The following LRBA variants were observed in gnomAD, a reference collection of about 807,000 sequenced individuals.
LRBA encodes LPS responsive beige-like anchor protein, also known as lipopolysaccharide-responsive and beige-like anchor protein.
A neutral mutation model predicts 330.0 loss-of-function variants in LRBA; 176 were observed. That is an observed-to-expected ratio of 0.53 (90% CI 0.47 to 0.60). LRBA has a LOEUF of 0.60. Ranked by LOEUF, LRBA falls within the 20% of genes least tolerant of loss-of-function variation. The pLI is 0.00. For synonymous variants in LRBA, 1,230 were observed against 1,193.0 expected (o/e 1.03, Z -0.64); for missense variants, 3,259 against 3,444.8 (o/e 0.95, Z 1.35).
chr4:150,302,090 T>C (rs1390773849), intron 53 of LRBA, among the ~76,000 whole-genome samples: 1 of 152,198 alleles, frequency 6.6e-6, no homozygotes, highest in Non-Finnish European at 1.5e-5. Context: ...GCCTTCAGCA[T>C]AGTTTCATAA....
chr4:150,697,822 GT>G (rs917694936), intron 36 of LRBA, among the ~76,000 whole-genome samples: 104 of 146,514 alleles, frequency 7.1e-4, no homozygotes, highest in African/African-American at 2.3e-3. Flanking sequence ...GGCCAGTTTT[GT>G]TTTTTTTTTA....
At chr4:150,980,158 A>AG (rs1347029592) in intron 2 of LRBA, among the ~76,000 whole-genome samples, 21 of 152,180 alleles carry the variant, frequency 1.4e-4, no homozygotes, top group Non-Finnish European at 1.5e-5. Context: ...AGGGATGCAA[A>AG]GATGGTTCAA....
chr4:150,805,387 G>GAAAGGAAAGGAAGGGA (rs1222186480), intron 33 of LRBA, among the ~76,000 whole-genome samples: 1 of 129,886 alleles, frequency 7.7e-6, no homozygotes, highest in African/African-American at 2.9e-5. Flanking sequence ...AAGGGAAAAG[G>GAAAGGAAAGGAAGGGA]AAAGGAAAGG....
At position 150,683,726 on chromosome 4, in the gene LRBA, GA is replaced by G. The variant is rs772027194; in HGVS notation, c.5755-10del. ...TACTGGGCACACAGTGACTTGGAGA[GA>G]AAAAAAAATAATACTATAAAAAATG... On this transcript the variant is annotated splice_polypyrimidine_tract_variant and intron_variant, in intron 36 of 56. Transcript: ENST00000651943. The G allele has an allele frequency of 1.9e-4, 284 of 1,493,112 alleles. No individual in the cohort carries two copies. The highest frequency in any genetic ancestry group is 7.1e-4 in the Middle Eastern group (4 of 5,616). The allele number at this position is 1,493,112 out of a possible 1,614,324, so 92.5% of individuals were successfully genotyped here. A position where few individuals can be genotyped will look rare whatever the true frequency, so the allele number is the denominator to read the frequency against.
At chr4:150,413,658 CTT>C (rs2151948665) in intron 47 of LRBA, among the ~76,000 whole-genome samples, 1 of 152,270 alleles carries the variant, frequency 6.6e-6, no homozygotes, top group East Asian at 1.9e-4. Flanking sequence ...CCCAAGGAAA[CTT>C]TTTGTACTCG....
chr4:150,373,840 A>G (rs1052617922), intron 47 of LRBA, among the ~76,000 whole-genome samples: 3 of 152,170 alleles, frequency 2.0e-5, no homozygotes, highest in African/African-American at 7.2e-5. Context: ...TGTTTGGAGT[A>G]GAAAGTGTTA....
At chr4:150,383,782 T>C (rs549843995) in intron 47 of LRBA, among the ~76,000 whole-genome samples, 28 of 152,234 alleles carry the variant, frequency 1.8e-4, no homozygotes, top group African/African-American at 6.5e-4. Flanking sequence ...AACTGCTAAC[T>C]TCCTGAGGGC....
chr4:150,990,552 A>AC (rs1561100812), intron 2 of LRBA, among the ~76,000 whole-genome samples: 1 of 150,294 alleles, frequency 6.7e-6, no homozygotes, highest in Admixed American at 6.6e-5. Flanking sequence ...AGACAACAAA[A>AC]CCCCGTCTCT....
chr4:150,512,717 G>GAAAAAAA (rs370203536), intron 40 of LRBA, among the ~76,000 whole-genome samples: 3 of 100,700 alleles, frequency 3.0e-5, no homozygotes, highest in African/African-American at 8.5e-5. Context: ...TGCTTTTTGA[G>GAAAAAAA]AAAAAAAAAA....
intron 49 of LRBA, among the ~76,000 whole-genome samples, chr4:150,323,048 G>A (rs1264953531): frequency 7.7e-6 from 1 of 129,922 alleles, no homozygotes; most frequent in East Asian, 2.1e-4. Flanking sequence ...TGGTTGATGG[G>A]GGAGCTCATC....
intron 40 of LRBA, among the ~76,000 whole-genome samples, chr4:150,499,216 T>G (rs1196039060): frequency 2.1e-4 from 32 of 152,228 alleles, no homozygotes; most frequent in Admixed American, 2.1e-3. Flanking sequence ...CTTCCTTACA[T>G]GTACGGTATA....
intron 34 of LRBA, among the ~76,000 whole-genome samples, chr4:150,786,392 C>T (rs770597763): frequency 6.6e-6 from 1 of 151,902 alleles, no homozygotes; most frequent in African/African-American, 2.4e-5. Flanking sequence ...TACAGGCACC[C>T]GCCACCACGC....
intron 2 of LRBA, chr4:151,012,808 C>CCT (rs1745003916): frequency 3.2e-5 from 4 of 124,560 alleles, no homozygotes; most frequent in African/African-American, 1.2e-4. Context: ...AAGTGAATTT[C>CCT]TTTTTTTTTT....
chr4:150,765,829 A>G (rs1004432690), intron 34 of LRBA, among the ~76,000 whole-genome samples: 1 of 152,102 alleles, frequency 6.6e-6, no homozygotes, highest in Non-Finnish European at 1.5e-5. Context: ...CAAATCAGAA[A>G]TTGTGCCATT....
intron 14 of LRBA, among the ~76,000 whole-genome samples, chr4:150,898,117 T>C (rs1730310777): frequency 6.6e-6 from 1 of 152,082 alleles, no homozygotes; most frequent in Non-Finnish European, 1.5e-5. Context: ...AAAATTTGTA[T>C]TCAATAATAA....
chr4:150,845,247 T>C (rs1749679831), intron 26 of LRBA, among the ~76,000 whole-genome samples: 1 of 152,156 alleles, frequency 6.6e-6, no homozygotes, highest in Admixed American at 6.5e-5. Flanking sequence ...ACTGGAAACT[T>C]TGATGTTCTT....
chr4:150,682,034 AACCC>A (rs1158214927), intron 37 of LRBA, among the ~76,000 whole-genome samples: 1 of 152,208 alleles, frequency 6.6e-6, no homozygotes, highest in Non-Finnish European at 1.5e-5. Context: ...CCATCAAAAT[AACCC>A]ATGAAACGCT....
chr4:150,883,426 C>A (rs1328243396), intron 17 of LRBA, among the ~76,000 whole-genome samples: 1 of 152,288 alleles, frequency 6.6e-6, no homozygotes, highest in East Asian at 1.9e-4. Context: ...CACCACTGCA[C>A]TCCAGCCTGG....
rs760789351 is a variant in LRBA, at chr4:151,014,634, G to T, written c.9C>A (p.Ser3Arg). The T allele has an allele frequency of 1.1e-5, 17 of 1,592,520 alleles. 1 individual carries two copies. Among genetic ancestry groups the T allele is most frequent in the Non-Finnish European group, 1.5e-5 (17 of 1,167,886 alleles). Residue 3 changes from serine (S) to arginine (R), a missense_variant, in exon 2 of 57, where the codon AGC (serine) becomes AGA (arginine). By Grantham distance (110) the Ser-to-Arg change is moderately radical. Transcript: ENST00000651943. Reference sequence around the variant, plus strand: ...GCGGGGAAGGGACACGATTGTCTTCGCTAGCCATTGCTAGCTCACGATAAA... The same window carrying T: ...GCGGGGAAGGGACACGATTGTCTTCTCTAGCCATTGCTAGCTCACGATAAA... MA[S>R]EDNRVPSPPP... is the part of the protein sequence containing the mutation.
Sources: allele counts gnomAD v4.1 joint callset (sites outside exome capture counted in the v4.1 genomes callset), GRCh38; gene constraint gnomAD v4.1.1; transcripts MANE v1.5; gene names NCBI Gene and HGNC (gene_info 2026-07-23, HGNC 2026-07-21).